The following TBC1D8 variants were observed in gnomAD, a reference collection of about 807,000 sequenced individuals.
The protein encoded by TBC1D8 is BUB2-like protein 1.
Under a neutral mutation model 118.8 loss-of-function variants are expected in TBC1D8, and 65 were observed. The ratio of observed to expected loss-of-function variants is 0.55; its 90% CI spans 0.45 to 0.67. The LOEUF (loss-of-function observed/expected upper bound fraction) is 0.67. Ranked by LOEUF, TBC1D8 falls within the 30% of genes least tolerant of loss-of-function variation. The pLI, the probability that TBC1D8 is intolerant of heterozygous loss-of-function variation, is 0.00. For missense variants in TBC1D8, 1,376 were observed against 1,471.2 expected, an observed-to-expected ratio of 0.94 and a Z score of 1.06; for synonymous variants, 566 against 595.8, an observed-to-expected ratio of 0.95 and a Z score of 0.73.
In TBC1D8 at chr2:101,054,297, G is replaced by C. The variant is rs760250881; in HGVS notation, c.442C>G (p.Gln148Glu). ...AEETSSRLAE[Q>E]EEEPEKFREA... ...CGGAATTTCTCGGGTTCCTCCTCCT[G>C]CTCGGCGAGCCTGCTGCTGGTCTCC... Residue 148 changes from glutamine (Q) to glutamate (E), a missense_variant, in exon 4 of 20, where the codon CAG (glutamine) becomes GAG (glutamate). Gln to Glu is a conservative substitution (Grantham distance 29, BLOSUM62 2). Coordinates refer to ENST00000409318, the MANE Select transcript of TBC1D8 (RefSeq NM_001330348.2). 1 of 1,578,612 alleles carries C rather than the reference G, an allele frequency of 6.3e-7. No individual in the cohort carries two copies. The highest frequency in any genetic ancestry group is 2.3e-5 in the East Asian group (1 of 43,004).
At chr2:101,129,465 T>C (rs1399339536) in intron 1 of TBC1D8, among the ~76,000 whole-genome samples, 2 of 152,140 alleles carry the variant, frequency 1.3e-5, no homozygotes, top group Admixed American at 6.5e-5. Context: ...TTTAAATATC[T>C]GTTACTTAAA....
intron 17 of TBC1D8, among the ~76,000 whole-genome samples, chr2:101,016,137 A>G (rs1461343502): frequency 7.2e-5 from 11 of 152,358 alleles, no homozygotes; most frequent in African/African-American, 1.7e-4. Flanking sequence ...TGAACACGCA[A>G]TCTTCAAAAT....
intron 2 of TBC1D8, among the ~76,000 whole-genome samples, chr2:101,062,467 G>A (rs902826431): frequency 1.3e-5 from 2 of 152,198 alleles, no homozygotes; most frequent in African/African-American, 4.8e-5. Context: ...CACCTTTGTG[G>A]TGCTAGTCTG....
At chr2:101,057,660 C>T (rs777756230) in intron 3 of TBC1D8, among the ~76,000 whole-genome samples, 19 of 152,116 alleles carry the variant, frequency 1.2e-4, no homozygotes, top group Middle Eastern at 3.2e-3. Flanking sequence ...TTCGTCTCTA[C>T]AAAAAATAAA....
At chr2:101,037,466 C>A in intron 8 of TBC1D8, 66 bp downstream of exon 8, 1 of 1,567,954 alleles carries the variant, frequency 6.4e-7, no homozygotes, top group Non-Finnish European at 8.6e-7. Context: ...ACTCAGACAG[C>A]TGGGCAACCC....
intron 9 of TBC1D8, among the ~76,000 whole-genome samples, chr2:101,034,034 G>T (rs1466068008): frequency 6.6e-6 from 1 of 152,060 alleles, no homozygotes; most frequent in Non-Finnish European, 1.5e-5. Flanking sequence ...CATGGTGGTG[G>T]GTGCCTGTAA....
intron 1 of TBC1D8, among the ~76,000 whole-genome samples, chr2:101,095,981 C>A (rs1649136733): frequency 6.6e-6 from 1 of 152,184 alleles, no homozygotes; most frequent in African/African-American, 2.4e-5. Context: ...TACCTGACCA[C>A]CACACCAACA....
chr2:101,094,336 T>C (rs940082274), intron 1 of TBC1D8, among the ~76,000 whole-genome samples: 2 of 152,146 alleles, frequency 1.3e-5, no homozygotes, highest in Non-Finnish European at 2.9e-5. Flanking sequence ...AACATCAGGT[T>C]GGGGACAGGG....
At chr2:101,075,149 C>A (rs1674725106) in intron 2 of TBC1D8, among the ~76,000 whole-genome samples, 1 of 152,154 alleles carries the variant, frequency 6.6e-6, no homozygotes, top group African/African-American at 2.4e-5. Flanking sequence ...GTAATCCCAG[C>A]ACTTTGGGAG....
intron 3 of TBC1D8, among the ~76,000 whole-genome samples, chr2:101,056,243 G>A (rs796185973): frequency 5.0e-4 from 73 of 146,194 alleles, no homozygotes; most frequent in African/African-American, 1.7e-3. Flanking sequence ...TCGCTCTGTC[G>A]CCCAGGCTGG....
chr2:101,120,694 C>T (rs1249506760), intron 1 of TBC1D8, among the ~76,000 whole-genome samples: 1 of 152,224 alleles, frequency 6.6e-6, no homozygotes, highest in African/African-American at 2.4e-5. Flanking sequence ...GGTTCAACCT[C>T]GTGGCAGAAA....
intron 1 of TBC1D8, among the ~76,000 whole-genome samples, chr2:101,139,987 C>T (rs928495967): frequency 6.6e-6 from 1 of 152,218 alleles, no homozygotes. Context: ...GAATAAAATG[C>T]TCTTTGGGTT....
At chr2:101,151,058 G>A (rs1265473291) in intron 1 of TBC1D8, 69 bp downstream of exon 1, 2 of 966,032 alleles carry the variant, frequency 2.1e-6, no homozygotes, top group African/African-American at 3.5e-5. Context: ...CCGGGACTGG[G>A]GGCCGCGGGC....
chr2:101,089,224 G>A (rs1675847438), intron 2 of TBC1D8, among the ~76,000 whole-genome samples: 1 of 151,984 alleles, frequency 6.6e-6, no homozygotes, highest in Non-Finnish European at 1.5e-5. Context: ...TTTAAATCTT[G>A]CTAGAGAACA....
At chr2:101,150,576 G>A (rs1418088832) in intron 1 of TBC1D8, among the ~76,000 whole-genome samples, 1 of 152,238 alleles carries the variant, frequency 6.6e-6, no homozygotes, top group Non-Finnish European at 1.5e-5. Context: ...TCTCTACTGA[G>A]ATCACGAGCT....
rs1170117474 is a variant in TBC1D8 at position 101,070,407 on chromosome 2, A to G, written c.284-10868T>C. On this transcript the variant is annotated intron_variant, in intron 2 of 19. Coordinates refer to ENST00000409318, the MANE Select transcript of TBC1D8 (RefSeq NM_001330348.2). ...AGTAAAGGCAAAACTGTGTCTTAAA[A>G]CAAATCTGATTTTTTTTTTTTTTGA... Among the ~76,000 whole-genome samples the G allele has an allele frequency of 4.2e-5, 5 of 117,662 alleles. No individual in the cohort carries two copies. In the East Asian group the frequency reaches 1.1e-3, roughly 27 times the overall value. The allele number at this position is 117,662 out of a possible 152,430, so 77.2% of individuals were successfully genotyped here.
chr2:101,036,316 A>G lies in TBC1D8; in HGVS notation c.1453-148T>C, dbSNP rs977309344. The stretch of plus-strand genomic sequence containing the variant: ...CAAGGACACCTGTATTCAAGCCGCA[A>G]ATATTTCTGAACCTTTACTGGGGGC... On this transcript the variant is annotated intron_variant, in intron 8 of 19. Transcript: ENST00000409318. The G allele has an allele frequency of 3.6e-5, 31 of 869,662 alleles. 1 individual carries two copies. The highest frequency in any genetic ancestry group is 4.6e-5 in the Admixed American group (2 of 43,852). The allele number at this position is 869,662 out of a possible 1,614,324, so 53.9% of individuals were successfully genotyped here.
intron 5 of TBC1D8, 92 bp downstream of exon 5, chr2:101,050,309 C>T (rs1445064153): frequency 2.7e-6 from 4 of 1,498,524 alleles, no homozygotes; most frequent in South Asian, 1.4e-5. Context: ...CTAACATAAC[C>T]AAGGCTAACA....
intron 3 of TBC1D8, among the ~76,000 whole-genome samples, chr2:101,054,621 A>C (rs549375597): frequency 4.3e-4 from 58 of 136,018 alleles, no homozygotes; most frequent in African/African-American, 1.6e-3. Flanking sequence ...TGGGCAAATC[A>C]TTTGACTTCT....
Sources: gnomAD v4.1 joint callset for allele counts (sites outside exome capture counted in the v4.1 genomes callset) on GRCh38, gnomAD v4.1.1 for gene constraint, MANE v1.5 for transcripts, NCBI Gene and HGNC (gene_info 2026-07-23, HGNC 2026-07-21) for gene names.